NBPF14: variants seen among roughly 807,000 people sequenced by gnomAD.
NBPF14 encodes NBPF member 14.
In NBPF14, 104 loss-of-function variants were observed where a neutral mutation model predicts 91.2. That is an observed-to-expected ratio of 1.14 (90% CI 0.97 to 1.34). NBPF14 has a LOEUF of 1.34. Among genes scored for constraint, NBPF14 ranks in the 40% most tolerant of loss-of-function variants. NBPF14 has a pLI of 0.00. For missense variants in NBPF14, 908 were observed against 783.0 expected (o/e 1.16, Z -1.91); for synonymous variants, 294 against 303.8 (o/e 0.97, Z 0.34).
chr1:148,561,990 A>G (rs1252666855), intron 34 of NBPF14, among the ~76,000 whole-genome samples: 583 of 68,302 alleles, frequency 8.5e-3, no homozygotes, highest in Non-Finnish European at 0.01. Flanking sequence ...TCAAGTTTCC[A>G]TGCAGTCACC....
exon 71 of NBPF14, chr1:148,532,107 T>C (rs1465665931): frequency 5.2e-5 from 8 of 152,396 alleles, no homozygotes; most frequent in African/African-American, 1.9e-4. Flanking sequence ...ATTATCTTTT[T>C]ACTTTTTTTG....
intron 14 of NBPF14, 132 bp downstream of exon 14, chr1:148,577,851 G>C (rs1163473657): frequency 1.7e-6 from 1 of 587,346 alleles, no homozygotes; most frequent in Non-Finnish European, 3.0e-6. Flanking sequence ...GAACCAAAAA[G>C]CAATGTAGTA....
chr1:148,590,212 G>C (rs1195591971), intron 6 of NBPF14, among the ~76,000 whole-genome samples: 1 of 136,306 alleles, frequency 7.3e-6, no homozygotes, highest in African/African-American at 2.7e-5. Flanking sequence ...ACCACGCCCA[G>C]CTATTTTTTT....
At chr1:148,566,145 C>G (rs1348256763) in exon 29 of NBPF14, 2 of 504,512 alleles carry the variant, frequency 4.0e-6, no homozygotes, top group Non-Finnish European at 3.4e-6. Flanking sequence ...GTACTCACCT[C>G]CCACGTCAAG....
chr1:148,585,392 A>T (rs1308530986), intron 9 of NBPF14, among the ~76,000 whole-genome samples, 179 bp from the exon 10 acceptor site: 3 of 151,882 alleles, frequency 2.0e-5, no homozygotes, highest in African/African-American at 7.3e-5. Context: ...CAGGCAATGC[A>T]TTTCTGATCT....
rs1250697786 is a variant in NBPF14 at position 148,559,409 on chromosome 1, G to C, written c.4730-337C>G. Among the ~76,000 whole-genome samples, 47 of 134,006 alleles carry C rather than the reference G, an allele frequency of 3.5e-4. 4 individuals are homozygous for C. The highest frequency in any genetic ancestry group is 7.5e-4 in the South Asian group (3 of 3,976). The allele number at this position is 134,006 out of a possible 152,430, so 87.9% of individuals were successfully genotyped here. ...GGAGAAAAACTGCACTATTCACCCT[G>C]TCTCATCAAATACTCAGATTGTTCA... On this transcript the variant is annotated intron_variant, in intron 37 of 70. Transcript: ENST00000619423.
At chr1:148,593,124 A>G (rs1336827502) in intron 3 of NBPF14, among the ~76,000 whole-genome samples, 1 of 147,938 alleles carries the variant, frequency 6.8e-6, no homozygotes, top group Non-Finnish European at 1.5e-5. Flanking sequence ...GCCACTACAT[A>G]CAAAGCCACG....
intron 28 of NBPF14, among the ~76,000 whole-genome samples, chr1:148,566,554 C>T (rs1325953827): frequency 4.2e-5 from 6 of 144,550 alleles, no homozygotes; most frequent in African/African-American, 7.5e-5. Context: ...CACACACACA[C>T]ACACAGAGAA....
chr1:148,533,791 C>A (rs1424710768), intron 70 of NBPF14, 70 bp downstream of exon 70: 7 of 764,934 alleles, frequency 9.2e-6, no homozygotes, highest in Non-Finnish European at 1.4e-5. Flanking sequence ...CAAACACACT[C>A]TGGTTTCCCT....
At chr1:148,535,326 A>G (rs1199896743) in intron 68 of NBPF14, 127 bp downstream of exon 68, 4 of 601,528 alleles carry the variant, frequency 6.6e-6, no homozygotes, top group Non-Finnish European at 1.2e-5. Context: ...GAAAACCAAC[A>G]GCAATGTCAG....
chr1:148,559,772 C>G, intron 37 of NBPF14, 21 bp downstream of exon 37: 3 of 1,394,064 alleles, frequency 2.2e-6, no homozygotes, highest in Non-Finnish European at 2.9e-6. Flanking sequence ...ATCCTTATCA[C>G]CTTCATAGAA....
intron 15 of NBPF14, 109 bp downstream of exon 15, chr1:148,577,073 TC>T (rs2149536327): frequency 1.5e-6 from 1 of 676,500 alleles, no homozygotes; most frequent in African/African-American, 1.8e-5. Context: ...CTATAGGTTC[TC>T]CCTGTGGCAA....
intron 5 of NBPF14, 25 bp from the exon 6 acceptor site, chr1:148,590,993 TGACAGAAGATTAAACACAGA>T: frequency 2.9e-6 from 2 of 681,784 alleles, no homozygotes; most frequent in Non-Finnish European, 5.4e-6. Flanking sequence ...GGGACAGAGA[TGACAGAAGATTAAACACAGA>T]GGGATTGGAC....
intron 37 of NBPF14, 146 bp downstream of exon 37, chr1:148,559,647 T>G (rs1169174001): frequency 1.0e-5 from 6 of 590,100 alleles, no homozygotes; most frequent in East Asian, 9.8e-5. Flanking sequence ...CAAGTGGAAC[T>G]AGAGTTTCAT....
chr1:148,559,912 A>T (rs1657406137), exon 37 of NBPF14: 2 of 1,304,936 alleles, frequency 1.5e-6, no homozygotes, highest in East Asian at 2.5e-5. Context: ...ACATCTATCC[A>T]GTGAGTCCTG....
Position 148,592,761 on chromosome 1 carries a change from T to C in NBPF14, c.284A>G (p.Tyr95Cys). The C allele has an allele frequency of 9.5e-6, 15 of 1,581,314 alleles. 3 individuals are homozygous for C. The highest frequency in any genetic ancestry group is 1.1e-5 in the Non-Finnish European group (13 of 1,156,964). ...TTCCTGAGAGTGAACCAGGACTTTA[T>C]ATTGCCTAAGGTGAGACGGTAGAGA... Residue 95 changes from tyrosine (Y) to cysteine (C), a missense_variant, in exon 4 of 71, where the codon TAT becomes TGT. Around this residue, in one of 13 missense-constraint regions of NBPF14, gnomAD observed 61 missense variants for 56.4 expected, o/e 1.08. Transcript: ENST00000619423.
At chr1:148,590,231 G>A (rs1401106143) in intron 6 of NBPF14, among the ~76,000 whole-genome samples, 2 of 116,384 alleles carry the variant, frequency 1.7e-5, no homozygotes, top group Non-Finnish European at 3.7e-5. Flanking sequence ...TTTTTTTTTT[G>A]TATTTTTAGT....
Position 148,559,806 on chromosome 1 carries a change from A to C in NBPF14, c.4716T>G (p.Ala1572=), listed in dbSNP as rs1657393170. 7.2e-6 allele frequency: 11 copies of C among 1,526,078 alleles called. 2 individuals carry two copies. The Admixed American group carries it at 1.6e-4, about 22-fold the overall frequency. 94.5% of individuals were successfully genotyped at this position (1,526,078 alleles called of 1,614,324 possible). The change falls in exon 37 of 71, where the codon GCT becomes GCG. Residue 1572 remains alanine (A), a synonymous_variant. Coordinates refer to ENST00000619423, the Ensembl canonical transcript of NBPF14. ...AAAGGTACTCACCATCCATGTCAAC[A>C]GCCAAGCCAACACGCTGCTGCTCCA...
chr1:148,535,399 T>A (rs1216984359), intron 68 of NBPF14, 54 bp downstream of exon 68: 39 of 505,526 alleles, frequency 7.7e-5, no homozygotes, highest in Admixed American at 5.4e-4. Flanking sequence ...TCCCTGGACC[T>A]GGCATCTCCA....
Sources: allele counts gnomAD v4.1 joint callset (sites outside exome capture counted in the v4.1 genomes callset), GRCh38; gene constraint gnomAD v4.1.1; regional missense constraint gnomAD v4.1.1; transcripts MANE v1.5; gene names NCBI Gene and HGNC (gene_info 2026-07-23, HGNC 2026-07-21).